Variants in CAMTA1 observed in about 807,000 individuals in gnomAD.
CAMTA1 encodes the protein calmodulin-binding transcription activator 1.
CAMTA1 carries 27 observed loss-of-function variants against 170.9 expected under a neutral mutation model. The ratio of observed to expected loss-of-function variants is 0.16; its 90% CI spans 0.12 to 0.22. CAMTA1 has a LOEUF of 0.22. CAMTA1 is among the 10% of genes least tolerant of loss of function. The pLI, the probability that CAMTA1 is intolerant of heterozygous loss-of-function variation, is 1.00. For missense variants in CAMTA1, 1,619 were observed against 2,217.2 expected (o/e 0.73, Z 5.42); for synonymous variants, 833 against 891.5 (o/e 0.93, Z 1.17).
At chr1:7,200,082 A>G (rs537423455) in intron 4 of CAMTA1, among the ~76,000 whole-genome samples, 1 of 152,252 alleles carries the variant, frequency 6.6e-6, no homozygotes, top group Non-Finnish European at 1.5e-5. Context: ...TTTTTAAAAC[A>G]TACAAGTACC....
At chr1:6,897,767 C>G (rs1324956354) in intron 3 of CAMTA1, among the ~76,000 whole-genome samples, 1 of 152,192 alleles carries the variant, frequency 6.6e-6, no homozygotes, top group Non-Finnish European at 1.5e-5. Context: ...GGGATTGGCA[C>G]TTCTAGATGG....
In CAMTA1 at chr1:7,745,843, A is replaced by C. The variant is rs1413243695; in HGVS notation, c.4371-2A>C. On this transcript the variant is annotated splice_acceptor_variant, in intron 17 of 22. Coordinates refer to ENST00000303635, the MANE Select transcript of CAMTA1 (RefSeq NM_015215.4). LOFTEE classifies it high-confidence loss of function. ...TCTCTCCTTTTTCTCCTCTTGTTTC[A>C]GAAGTGCATATAACGAGCCTCTAAC... 1 of 1,614,032 alleles carries C rather than the reference A, an allele frequency of 6.2e-7. No homozygotes were observed. Among genetic ancestry groups the C allele is most frequent in the East Asian group, 2.2e-5 (1 of 44,876 alleles).
At chr1:6,827,210 A>G (rs1463728253) in intron 3 of CAMTA1, among the ~76,000 whole-genome samples, 1 of 152,198 alleles carries the variant, frequency 6.6e-6, no homozygotes, top group Non-Finnish European at 1.5e-5. Context: ...TGCATCAGCT[A>G]TCACTCATGC....
rs2096788517 is a variant in CAMTA1 at position 7,738,679 on chromosome 1, GCCTGAATA to G, written c.4182+200_4182+207del. Among the ~76,000 whole-genome samples the G allele has an allele frequency of 6.6e-6, 1 of 152,126 alleles. No individual in the cohort carries two copies. The highest frequency in any genetic ancestry group is 1.5e-5 in the Non-Finnish European group (1 of 68,028). The stretch of plus-strand genomic sequence containing the variant: ...CGGTGAATCGGGCACCGGGAGTAGG[GCCTGAATA>G]CCAGTGACCCCGGTCTCAGCAAAGC... On this transcript the variant is annotated intron_variant, in intron 16 of 22. Coordinates refer to ENST00000303635, the MANE Select transcript of CAMTA1 (RefSeq NM_015215.4). The surrounding 1 kb of genome is among the most constrained non-coding windows in gnomAD (Gnocchi z 4.9).
intron 3 of CAMTA1, among the ~76,000 whole-genome samples, chr1:6,842,109 G>C (rs752020666): frequency 6.6e-6 from 1 of 152,078 alleles, no homozygotes; most frequent in Non-Finnish European, 1.5e-5. Context: ...CTCCTCACCC[G>C]CTAAATTGTA....
Position 7,744,817 on chromosome 1 carries a change from G to A in CAMTA1, c.4183-18G>A, listed in dbSNP as rs1161490016. On this transcript the variant is annotated intron_variant, in intron 16 of 22. Coordinates refer to ENST00000303635, the MANE Select transcript of CAMTA1 (RefSeq NM_015215.4). ...GGTTCCTTTCTAACCTGAGTGTTCT[G>A]TGAACTTCTGACTTCAGGTGAACAT... is the stretch of plus-strand genomic sequence containing the variant. 6.2e-7 allele frequency: 1 copy of A among 1,607,278 alleles called. No individual in the cohort carries two copies. Among genetic ancestry groups the A allele is most frequent in the Non-Finnish European group, 8.5e-7 (1 of 1,176,532 alleles).
At chr1:7,021,080 G>C (rs1157874521) in intron 3 of CAMTA1, among the ~76,000 whole-genome samples, 7 of 152,354 alleles carry the variant, frequency 4.6e-5, no homozygotes, top group African/African-American at 1.7e-4. Flanking sequence ...CTGCCCGGGG[G>C]CTCCATGGCT....
intron 1 of CAMTA1, among the ~76,000 whole-genome samples, chr1:6,810,678 A>G (rs1047753115): frequency 2.0e-5 from 3 of 152,066 alleles, no homozygotes; most frequent in African/African-American, 4.8e-5. Context: ...GGTGGCGGAC[A>G]CCTGCAGTCC....
chr1:7,340,980 G>A (rs938409959), intron 5 of CAMTA1, among the ~76,000 whole-genome samples: 2 of 152,250 alleles, frequency 1.3e-5, no homozygotes, highest in African/African-American at 4.8e-5. Flanking sequence ...ATTTATGGAA[G>A]GAAGTAGCCT....
At chr1:7,550,350 A>G (rs543731281) in intron 6 of CAMTA1, among the ~76,000 whole-genome samples, 3 of 152,024 alleles carry the variant, frequency 2.0e-5, no homozygotes, top group East Asian at 3.9e-4. Context: ...GCCACTCACC[A>G]TTCCTTTTTG....
chr1:7,267,934 T>TA (rs929980255), intron 5 of CAMTA1, among the ~76,000 whole-genome samples: 2 of 152,118 alleles, frequency 1.3e-5, no homozygotes, highest in African/African-American at 4.8e-5. Flanking sequence ...TGGACACCTA[T>TA]AAAAATGTCC....
intron 4 of CAMTA1, among the ~76,000 whole-genome samples, chr1:7,169,816 T>TG (rs1348081704): frequency 3.3e-5 from 5 of 152,378 alleles, no homozygotes; most frequent in African/African-American, 1.2e-4. Flanking sequence ...CATGAGCCAC[T>TG]GTGCCTGGCC....
At chr1:7,310,674 TTCTTTCTCTC>T (rs1676475953) in intron 5 of CAMTA1, among the ~76,000 whole-genome samples, 1 of 32,114 alleles carries the variant, frequency 3.1e-5, no homozygotes, top group African/African-American at 2.0e-4. Flanking sequence ...TTTCTTTCCT[TTCTTTCTCTC>T]TCTCTCTCTC....
chr1:6,885,681 T>A (rs1673011087), intron 3 of CAMTA1, among the ~76,000 whole-genome samples: 1 of 152,208 alleles, frequency 6.6e-6, no homozygotes, highest in Non-Finnish European at 1.5e-5. Flanking sequence ...AAAGTATTCA[T>A]TAACTTGAAA....
chr1:7,059,799 A>C (rs1007721296), intron 3 of CAMTA1, among the ~76,000 whole-genome samples: 1 of 152,220 alleles, frequency 6.6e-6, no homozygotes, highest in African/African-American at 2.4e-5. Flanking sequence ...GGTGGTATTT[A>C]TTGAACTTTT....
chr1:7,167,073 A>C (rs1229202610), intron 4 of CAMTA1, among the ~76,000 whole-genome samples: 1 of 152,058 alleles, frequency 6.6e-6, no homozygotes, highest in East Asian at 1.9e-4. Flanking sequence ...GGCCTCCCAA[A>C]GTGCTGGGAT....
intron 3 of CAMTA1, among the ~76,000 whole-genome samples, chr1:7,023,491 A>T (rs1701640903): frequency 6.6e-6 from 1 of 152,254 alleles, no homozygotes; most frequent in Admixed American, 6.5e-5. Flanking sequence ...ACTATAGACA[A>T]CAGAGCAATC....
chr1:7,517,877 G>A (rs890520104), intron 6 of CAMTA1, among the ~76,000 whole-genome samples: 1 of 151,918 alleles, frequency 6.6e-6, no homozygotes, highest in South Asian at 2.1e-4. Context: ...CATGAGGGAC[G>A]ATGATCCCCC....
Position 7,748,816 on chromosome 1 carries a change from A to G in CAMTA1, c.4689+1035A>G, listed in dbSNP as rs1035913425. On this transcript the variant is annotated intron_variant, in intron 19 of 22. Coordinates refer to ENST00000303635, the MANE Select transcript of CAMTA1 (RefSeq NM_015215.4). This position sits in a 1 kb window ranked among gnomAD's most constrained non-coding sequence, Gnocchi z 4.7. ...AAGAAGATTATCTAAGTACTCTTTC[A>G]TGCAGTATTTCTGTTTGCAAACCAC... is the stretch of plus-strand genomic sequence containing the variant. Among the ~76,000 whole-genome samples the G allele has an allele frequency of 3.3e-4, 50 of 152,344 alleles. No individual in the cohort carries two copies. Among genetic ancestry groups the G allele is most frequent in the African/African-American group, 1.2e-3 (50 of 41,576 alleles).
Sources: gnomAD v4.1 joint callset for allele counts (sites outside exome capture counted in the v4.1 genomes callset) on GRCh38, gnomAD v4.1.1 for gene constraint, Gnocchi (gnomAD v3.1) non-coding constraint, MANE v1.5 for transcripts, NCBI Gene and HGNC (gene_info 2026-07-23, HGNC 2026-07-21) for gene names.